CCNH: variants seen among roughly 807,000 people sequenced by gnomAD.
The protein encoded by CCNH is cyclin-H.
In CCNH, 31 loss-of-function variants were observed where a neutral mutation model predicts 41.9. The observed-to-expected ratio is 0.74, with a 90% CI of 0.56 to 1.00. The LOEUF is 1.00. Among genes scored for constraint, CCNH ranks in the 50% least tolerant of loss-of-function variants. The pLI, the probability that CCNH is intolerant of heterozygous loss-of-function variation, is 0.00. For synonymous variants in CCNH, 138 were observed against 136.1 expected (o/e 1.01, Z -0.10); for missense variants, 362 against 388.4 (o/e 0.93, Z 0.57).
At chr5:87,360,280 C>A (rs1045181522) in intron 9 of CCNH, among the ~76,000 whole-genome samples, 1 of 152,092 alleles carries the variant, frequency 6.6e-6, no homozygotes. Flanking sequence ...GCACGCGCCA[C>A]CACGCCCAGC....
upstream of CCNH, among the ~76,000 whole-genome samples, chr5:87,381,983 G>C (rs1417305834): frequency 2.0e-5 from 3 of 152,108 alleles, no homozygotes; most frequent in African/African-American, 7.2e-5. Flanking sequence ...ACAGGGTCTT[G>C]CTCTGTTGCC....
At chr5:87,383,460 A>G (rs1761864815) in intron 9 of CCNH, among the ~76,000 whole-genome samples, 1 of 152,136 alleles carries the variant, frequency 6.6e-6, no homozygotes, top group Non-Finnish European at 1.5e-5. Flanking sequence ...CATTTTCCCA[A>G]AGTTAATCCA....
chr5:87,396,819 T>C (rs929595726), intron 7 of CCNH, among the ~76,000 whole-genome samples: 1 of 152,190 alleles, frequency 6.6e-6, no homozygotes, highest in Non-Finnish European at 1.5e-5. Flanking sequence ...TTGTACAATA[T>C]GTATGAAAAA....
chr5:87,362,553 T>C lies in CCNH; in HGVS notation c.*90+30217A>G, dbSNP rs758198712. Reference sequence around the variant, plus strand: ...TTTTAATGTTTTTTAAAATTCAGGATCAAGAACAAGTACTCAATGACACAG... The same window carrying C: ...TTTTAATGTTTTTTAAAATTCAGGACCAAGAACAAGTACTCAATGACACAG... On this transcript the variant is annotated intron_variant and NMD_transcript_variant, in intron 9 of 9. Transcript: ENST00000645953. 8 of 1,589,822 alleles carry C rather than the reference T, an allele frequency of 5.0e-6. No individual in the cohort carries two copies. The highest frequency in any genetic ancestry group is 6.9e-6 in the Non-Finnish European group (8 of 1,158,674).
chr5:87,377,996 A>C (rs558829059), upstream of CCNH, among the ~76,000 whole-genome samples: 2 of 152,222 alleles, frequency 1.3e-5, no homozygotes, highest in Admixed American at 1.3e-4. Flanking sequence ...ATTAATCTAT[A>C]CTGGGATTTT....
intron 8 of CCNH, 50 bp from the exon 9 acceptor site, chr5:87,394,534 A>ATTGT (rs1204363059): frequency 4.4e-6 from 7 of 1,608,060 alleles, no homozygotes; most frequent in South Asian, 1.1e-5. Context: ...CATAACCAGT[A>ATTGT]TTGTTTACCT....
chr5:87,317,926 G>A (rs1172646785), downstream of CCNH, among the ~76,000 whole-genome samples: 6 of 151,974 alleles, frequency 3.9e-5, no homozygotes, highest in South Asian at 4.1e-4. Flanking sequence ...TTGAGCCACC[G>A]CGCCCAGCCG....
At position 87,343,718 on chromosome 5, in the gene CCNH, G is replaced by A. The variant is rs894821226; in HGVS notation, c.*91-24821C>T. ...ATATGATCCGGCAATCCCACTGCTG[G>A]GTATATATCCAAAAGAAAGGAAATC... is the stretch of plus-strand genomic sequence containing the variant. On this transcript the variant is annotated intron_variant and NMD_transcript_variant, in intron 9 of 9. Transcript: ENST00000645953. Among the ~76,000 whole-genome samples the A allele has an allele frequency of 5.3e-5, 8 of 152,114 alleles. No homozygotes were observed. The South Asian group carries it at 1.7e-3, about 32-fold the overall frequency.
intron 9 of CCNH, among the ~76,000 whole-genome samples, chr5:87,360,542 A>G (rs1391846611): frequency 6.6e-6 from 1 of 152,232 alleles, no homozygotes; most frequent in Non-Finnish European, 1.5e-5. Flanking sequence ...TATAAGAGTG[A>G]TCAATCCAGT....
At chr5:87,324,369 T>C (rs1757063948) in intron 9 of CCNH, among the ~76,000 whole-genome samples, 1 of 152,186 alleles carries the variant, frequency 6.6e-6, no homozygotes, top group Admixed American at 6.5e-5. Context: ...CCCTTCGTTA[T>C]CTGTTTACTA....
chr5:87,355,793 A>G (rs1759606526), intron 9 of CCNH, among the ~76,000 whole-genome samples: 1 of 152,242 alleles, frequency 6.6e-6, no homozygotes, highest in Non-Finnish European at 1.5e-5. Flanking sequence ...GCAGAGGCCA[A>G]AATAACAACA....
upstream of CCNH, among the ~76,000 whole-genome samples, chr5:87,380,168 C>G (rs1268934653): frequency 6.6e-6 from 1 of 152,060 alleles, no homozygotes; most frequent in Non-Finnish European, 1.5e-5. Context: ...ACTAATCACT[C>G]TGTTAATATG....
chr5:87,412,121 A>C (rs919601306), intron 1 of CCNH, among the ~76,000 whole-genome samples: 1 of 152,138 alleles, frequency 6.6e-6, no homozygotes, highest in Non-Finnish European at 1.5e-5. Flanking sequence ...TTAGCTTCCC[A>C]TTTTAAATAT....
At chr5:87,328,364 A>G (rs1042302040) in intron 9 of CCNH, among the ~76,000 whole-genome samples, 1 of 152,074 alleles carries the variant, frequency 6.6e-6, no homozygotes, top group South Asian at 2.1e-4. Flanking sequence ...CAGCAAATCT[A>G]CTTTTAAAGA....
chr5:87,378,627 A>G (rs995158983), upstream of CCNH: 1 of 1,338,666 alleles, frequency 7.5e-7, no homozygotes, highest in Non-Finnish European at 1.0e-6. Flanking sequence ...TAAGGAAAAT[A>G]TATTAAATTT....
intron 5 of CCNH, 27 bp from the exon 6 acceptor site, chr5:87,401,799 AT>A: frequency 7.4e-7 from 1 of 1,347,138 alleles, no homozygotes. Context: ...AAAAAAATCT[AT>A]TGAAAACATA....
intron 9 of CCNH, chr5:87,349,287 C>G (rs1240092734): frequency 6.2e-7 from 1 of 1,612,064 alleles, no homozygotes. Flanking sequence ...ATTTCCGGAC[C>G]AATGAAAATA....
At chr5:87,315,701 ATTATT>A (rs1039809938), downstream of CCNH, among the ~76,000 whole-genome samples, 240 of 152,284 alleles carry the variant, frequency 1.6e-3, 1 homozygote, top group Middle Eastern at 6.8e-3. Context: ...TGCTGTCAAG[ATTATT>A]TTATGTGCTA....
upstream of CCNH, among the ~76,000 whole-genome samples, chr5:87,381,478 T>C (rs1300487817): frequency 1.3e-5 from 2 of 152,248 alleles, no homozygotes; most frequent in Non-Finnish European, 2.9e-5. Context: ...TGTCATGCTA[T>C]ATGTAAAATA....
Sources: allele counts gnomAD v4.1 joint callset (sites outside exome capture counted in the v4.1 genomes callset), GRCh38; gene constraint gnomAD v4.1.1; transcripts MANE v1.5; gene names NCBI Gene and HGNC (gene_info 2026-07-23, HGNC 2026-07-21).